The following COBLL1 variants were observed in gnomAD, a reference collection of about 807,000 sequenced individuals.
COBLL1 encodes cordon-bleu protein-like 1.
Under a neutral mutation model 94.8 loss-of-function variants are expected in COBLL1, and 50 were observed. The observed-to-expected ratio is 0.53, with a 90% CI of 0.42 to 0.67. The LOEUF (loss-of-function observed/expected upper bound fraction) is 0.67. Ranked by LOEUF, COBLL1 falls within the 30% of genes least tolerant of loss-of-function variation. The probability of loss-of-function intolerance (pLI) is 0.00; values close to 1 mark genes in which losing one functional copy is unlikely to be tolerated. For synonymous variants in COBLL1, 448 were observed against 473.8 expected (o/e 0.95, Z 0.71); for missense variants, 1,362 against 1,348.7 (o/e 1.01, Z -0.15).
At chr2:164,769,028 T>C (rs1688071414) in intron 2 of COBLL1, among the ~76,000 whole-genome samples, 1 of 152,204 alleles carries the variant, frequency 6.6e-6, no homozygotes, top group African/African-American at 2.4e-5. Context: ...CTTAACTCTC[T>C]GGTTTAATGC....
chr2:164,825,720 T>G (rs1432012812), intron 2 of COBLL1, among the ~76,000 whole-genome samples: 1 of 152,192 alleles, frequency 6.6e-6, no homozygotes, highest in Admixed American at 6.5e-5. Context: ...GCTGCCACCA[T>G]AGCTGAAAGA....
intron 9 of COBLL1, among the ~76,000 whole-genome samples, chr2:164,702,558 CAA>C (rs56011410): frequency 8.3e-4 from 68 of 82,116 alleles, no homozygotes; most frequent in African/African-American, 2.1e-3. Context: ...TGAGACTCCT[CAA>C]AAAAAAAAAA....
intron 2 of COBLL1, among the ~76,000 whole-genome samples, chr2:164,797,660 T>C (rs986644080): frequency 6.6e-6 from 1 of 152,184 alleles, no homozygotes; most frequent in African/African-American, 2.4e-5. Flanking sequence ...TGAAATACCA[T>C]CTTGTTTTTT....
At chr2:164,730,349 T>C (rs1049108151) in intron 3 of COBLL1, among the ~76,000 whole-genome samples, 19 of 138,294 alleles carry the variant, frequency 1.4e-4, no homozygotes, top group Non-Finnish European at 2.8e-4. Context: ...AAAAAAACAA[T>C]AGCCTGCTGT....
intron 3 of COBLL1, among the ~76,000 whole-genome samples, chr2:164,735,555 C>T (rs960613543): frequency 3.9e-5 from 6 of 152,168 alleles, no homozygotes; most frequent in Admixed American, 3.3e-4. Flanking sequence ...TCTAGCTTTA[C>T]CATAAAGGAG....
chr2:164,773,123 G>A (rs986709569), intron 2 of COBLL1, among the ~76,000 whole-genome samples: 1 of 152,084 alleles, frequency 6.6e-6, no homozygotes, highest in African/African-American at 2.4e-5. Flanking sequence ...TCGTACAGGG[G>A]AAAGAGTGCC....
At chr2:164,818,537 T>A (rs56391049) in intron 2 of COBLL1, among the ~76,000 whole-genome samples, 17,411 of 148,398 alleles carry the variant, frequency 0.12, 1,328 homozygotes, top group Admixed American at 0.18. Context: ...ATATACATAT[T>A]TACATATATG....
chr2:164,758,465 G>C (rs568409515), intron 2 of COBLL1, among the ~76,000 whole-genome samples: 8 of 152,156 alleles, frequency 5.3e-5, no homozygotes, highest in African/African-American at 1.7e-4. Context: ...ATGTCCCAAT[G>C]CTCACTTATG....
At position 164,743,720 on chromosome 2, in the gene COBLL1, C is replaced by T; in HGVS notation, c.197G>A (p.Gly66Glu). Residue 66 changes from glycine (G) to glutamate (E), a missense_variant, in exon 3 of 14, where the codon GGG (glycine) becomes GAG (glutamate). Gly to Glu is a moderately conservative substitution (Grantham distance 98). Coordinates refer to ENST00000652658, the MANE Select transcript of COBLL1 (RefSeq NM_001365672.2). ...KDVELSVVLP[G>E]DIIKSTTVHG... ...AACAGTAGTAGATTTGATAATATCCCCAGGTAGGACCACTGAGAGTTCAAC... is the reference window on the plus strand; with the variant it reads ...AACAGTAGTAGATTTGATAATATCCTCAGGTAGGACCACTGAGAGTTCAAC... 1 of 1,613,408 alleles carries T rather than the reference C, an allele frequency of 6.2e-7. No homozygotes were observed. The highest frequency in any genetic ancestry group is 8.5e-7 in the Non-Finnish European group (1 of 1,179,678).
intron 2 of COBLL1, among the ~76,000 whole-genome samples, chr2:164,818,273 T>C (rs965663500): frequency 6.7e-6 from 1 of 148,604 alleles, no homozygotes; most frequent in Non-Finnish European, 1.5e-5. Flanking sequence ...TACACGTATG[T>C]ATGTATACAT....
At chr2:164,810,606 G>C (rs1019049556) in intron 2 of COBLL1, among the ~76,000 whole-genome samples, 1 of 151,558 alleles carries the variant, frequency 6.6e-6, no homozygotes, top group Non-Finnish European at 1.5e-5. Flanking sequence ...TGTTATACAT[G>C]TCATGAACAT....
intron 2 of COBLL1, among the ~76,000 whole-genome samples, chr2:164,761,668 T>G (rs1186975018): frequency 6.6e-6 from 1 of 152,164 alleles, no homozygotes; most frequent in Non-Finnish European, 1.5e-5. Flanking sequence ...TGGCAAATCA[T>G]AAACAAAAAT....
chr2:164,709,575 G>T (rs151261899), intron 7 of COBLL1, among the ~76,000 whole-genome samples: 4 of 152,038 alleles, frequency 2.6e-5, no homozygotes, highest in African/African-American at 9.7e-5. Flanking sequence ...GAAATTAGCC[G>T]GGTATGGTGG....
chr2:164,769,398 A>G (rs952907531), intron 2 of COBLL1, among the ~76,000 whole-genome samples: 1 of 152,126 alleles, frequency 6.6e-6, no homozygotes, highest in Non-Finnish European at 1.5e-5. Context: ...TCTTCTTCCC[A>G]TCTATTGTAG....
chr2:164,733,527 A>T (rs1313087501), intron 3 of COBLL1, among the ~76,000 whole-genome samples: 1 of 152,214 alleles, frequency 6.6e-6, no homozygotes, highest in African/African-American at 2.4e-5. Flanking sequence ...CAATAATTTC[A>T]GAAGCCAAAT....
intron 2 of COBLL1, among the ~76,000 whole-genome samples, chr2:164,772,463 A>C (rs1688256425): frequency 6.6e-6 from 1 of 152,034 alleles, no homozygotes; most frequent in African/African-American, 2.4e-5. Flanking sequence ...TAGCAAGTAG[A>C]TTTTTAATTT....
At chr2:164,805,757 A>C (rs1471697907) in intron 2 of COBLL1, among the ~76,000 whole-genome samples, 1 of 152,120 alleles carries the variant, frequency 6.6e-6, no homozygotes, top group Admixed American at 6.6e-5. Flanking sequence ...TTTGCTTCCA[A>C]GTTTTGGCAA....
At chr2:164,775,334 G>C (rs193159895) in intron 2 of COBLL1, among the ~76,000 whole-genome samples, 62 of 152,112 alleles carry the variant, frequency 4.1e-4, no homozygotes, top group Admixed American at 1.6e-3. Flanking sequence ...ATCTTATCTT[G>C]CTTGATTTCA....
intron 2 of COBLL1, among the ~76,000 whole-genome samples, chr2:164,766,398 C>T (rs1687935560): frequency 6.6e-6 from 1 of 152,080 alleles, no homozygotes; most frequent in Non-Finnish European, 1.5e-5. Context: ...GGGTGGATTT[C>T]CCCTTAGTGC....
Sources: gnomAD v4.1 joint callset for allele counts (sites outside exome capture counted in the v4.1 genomes callset) on GRCh38, gnomAD v4.1.1 for gene constraint, MANE v1.5 for transcripts, NCBI Gene and HGNC (gene_info 2026-07-23, HGNC 2026-07-21) for gene names.